The following PIP5K1A variants were observed in gnomAD, a reference collection of about 807,000 sequenced individuals.
PIP5K1A encodes phosphatidylinositol-4-phosphate 5-kinase type 1 alpha.
A neutral mutation model predicts 72.9 loss-of-function variants in PIP5K1A; 46 were observed. That is an observed-to-expected ratio of 0.63 (90% CI 0.50 to 0.81). PIP5K1A has a LOEUF of 0.81. Ranked by LOEUF, PIP5K1A falls within the 30% of genes least tolerant of loss-of-function variation. PIP5K1A has a pLI of 0.00. For synonymous variants in PIP5K1A, 228 were observed against 255.1 expected (o/e 0.89, Z 1.01); for missense variants, 458 against 706.1 (o/e 0.65, Z 3.98).
At chr1:151,235,244 G>C (rs1690678832) in intron 8 of PIP5K1A, among the ~76,000 whole-genome samples, 2 of 152,020 alleles carry the variant, frequency 1.3e-5, no homozygotes, top group South Asian at 4.1e-4. Context: ...CACCACGCCT[G>C]GGTCGTTTTT....
intron 1 of PIP5K1A, among the ~76,000 whole-genome samples, chr1:151,215,257 C>T (rs1180886211): frequency 2.0e-5 from 3 of 151,616 alleles, no homozygotes; most frequent in East Asian, 1.9e-4. Flanking sequence ...ATGTTGGTCT[C>T]GAGCTCTCGA....
chr1:151,234,980 A>T lies in PIP5K1A; in HGVS notation c.939+484A>T, dbSNP rs587717643. Among the ~76,000 whole-genome samples, 6 of 152,326 alleles carry T rather than the reference A, an allele frequency of 3.9e-5. No homozygotes were observed. The East Asian group carries it at 1.2e-3, about 29-fold the overall frequency. ...CTAATCAAACCATTTTCTGACTCTC[A>T]TCTCCCTAGCTTTGTTTCTCAACAA... On this transcript the variant is annotated intron_variant, in intron 8 of 15. Transcript: ENST00000368888.
chr1:151,210,188 C>T (rs1056057362), intron 1 of PIP5K1A, among the ~76,000 whole-genome samples: 8 of 151,096 alleles, frequency 5.3e-5, no homozygotes, highest in Admixed American at 1.3e-4. Context: ...CCGCCCTCCC[C>T]GGCCCCCCCA....
chr1:151,220,226 G>A (rs587619872), intron 1 of PIP5K1A, among the ~76,000 whole-genome samples: 6 of 151,830 alleles, frequency 4.0e-5, no homozygotes, highest in Admixed American at 2.0e-4. Context: ...GGATGATCTC[G>A]ATCTCCTGAC....
chr1:151,216,655 C>T (rs1015895016), intron 1 of PIP5K1A, among the ~76,000 whole-genome samples: 6 of 152,064 alleles, frequency 3.9e-5, no homozygotes, highest in South Asian at 2.1e-4. Flanking sequence ...TCTCATTTCC[C>T]CGACCCTTCC....
intron 1 of PIP5K1A, among the ~76,000 whole-genome samples, chr1:151,207,808 C>T (rs1450961001): frequency 2.0e-5 from 3 of 150,946 alleles, no homozygotes; most frequent in East Asian, 3.9e-4. Flanking sequence ...GGGATGATTA[C>T]GGGCATGAGG....
chr1:151,224,671 A>AC (rs1350242023), intron 3 of PIP5K1A, among the ~76,000 whole-genome samples: 2 of 152,210 alleles, frequency 1.3e-5, no homozygotes, highest in East Asian at 3.9e-4. Context: ...TCAAATTCAA[A>AC]CCCAGGCAGT....
At chr1:151,242,352 C>G in intron 13 of PIP5K1A, 83 bp downstream of exon 13, 1 of 1,600,070 alleles carries the variant, frequency 6.2e-7, no homozygotes, top group Non-Finnish European at 8.6e-7. Flanking sequence ...GCCAGGACCT[C>G]TGCTCCCATT....
At chr1:151,226,436 G>A (rs1689150351) in intron 3 of PIP5K1A, among the ~76,000 whole-genome samples, 1 of 152,068 alleles carries the variant, frequency 6.6e-6, no homozygotes, top group South Asian at 2.1e-4. Flanking sequence ...CTTTGGTTGG[G>A]TGCAGTGCCT....
intron 14 of PIP5K1A, among the ~76,000 whole-genome samples, chr1:151,245,317 A>T (rs143899400): frequency 5.2e-4 from 79 of 152,212 alleles, no homozygotes; most frequent in Non-Finnish European, 6.5e-4. Context: ...CCTTACTAGG[A>T]TCTCCTTTCC....
chr1:151,216,192 C>A (rs1267137703), intron 1 of PIP5K1A, among the ~76,000 whole-genome samples: 1 of 151,752 alleles, frequency 6.6e-6, no homozygotes, highest in Non-Finnish European at 1.5e-5. Flanking sequence ...ACTAAAAATA[C>A]AAAAAAATTA....
chr1:151,210,616 G>A (rs1246466301), intron 1 of PIP5K1A, among the ~76,000 whole-genome samples: 4 of 151,986 alleles, frequency 2.6e-5, no homozygotes, highest in East Asian at 1.9e-4. Context: ...ATGGAGTCTC[G>A]CTCTGTTGCC....
chr1:151,198,421 C>A, upstream of PIP5K1A: 1 of 257,258 alleles, frequency 3.9e-6, no homozygotes, highest in African/African-American at 2.3e-5. Context: ...CATCTTCCAC[C>A]CGTGGACTCG....
intron 9 of PIP5K1A, 112 bp downstream of exon 9, chr1:151,236,875 T>C: frequency 1.4e-6 from 1 of 723,752 alleles, no homozygotes; most frequent in South Asian, 2.0e-5. Context: ...GCTGATGTGC[T>C]GATGTGCAAT....
intron 1 of PIP5K1A, among the ~76,000 whole-genome samples, chr1:151,201,471 T>G (rs1685205931): frequency 6.6e-6 from 1 of 152,022 alleles, no homozygotes; most frequent in Non-Finnish European, 1.5e-5. Flanking sequence ...TGACTCAGTC[T>G]CCCAAGTAGC....
At chr1:151,237,097 A>G (rs1295174376) in intron 9 of PIP5K1A, among the ~76,000 whole-genome samples, 2 of 151,916 alleles carry the variant, frequency 1.3e-5, no homozygotes, top group Non-Finnish European at 2.9e-5. Context: ...CCCGTAGTGC[A>G]GGGATTACAG....
chr1:151,242,715 G>T (rs909629983), intron 14 of PIP5K1A, 148 bp downstream of exon 14: 4 of 736,264 alleles, frequency 5.4e-6, no homozygotes, highest in Middle Eastern at 2.7e-4. Context: ...TGTGGGTCAG[G>T]AATCCAGGCC....
chr1:151,200,088 C>T (rs1299899969), intron 1 of PIP5K1A, among the ~76,000 whole-genome samples: 1 of 151,544 alleles, frequency 6.6e-6, no homozygotes, highest in African/African-American at 2.4e-5. Flanking sequence ...AGGTCAAAGA[C>T]CTTAAAAACA....
At chr1:151,233,031 C>T (rs1400238600) in intron 7 of PIP5K1A, among the ~76,000 whole-genome samples, 2 of 144,010 alleles carry the variant, frequency 1.4e-5, no homozygotes, top group South Asian at 2.2e-4. Flanking sequence ...ATCTGGGAGG[C>T]GAAGTTTGCA....
Sources: gnomAD v4.1 joint callset for allele counts (sites outside exome capture counted in the v4.1 genomes callset) on GRCh38, gnomAD v4.1.1 for gene constraint, MANE v1.5 for transcripts, NCBI Gene and HGNC (gene_info 2026-07-23, HGNC 2026-07-21) for gene names.